Variants in BCR observed in about 807,000 individuals in gnomAD.
BCR encodes BCR activator of RhoGEF and GTPase, also known as breakpoint cluster region protein.
A neutral mutation model predicts 138.6 loss-of-function variants in BCR; 58 were observed. The ratio of observed to expected loss-of-function variants is 0.42; its 90% CI spans 0.34 to 0.52. BCR has a LOEUF of 0.52. Among genes scored for constraint, BCR ranks in the 20% least tolerant of loss-of-function variants. The probability of loss-of-function intolerance (pLI) is 0.06; values close to 1 mark genes in which losing one functional copy is unlikely to be tolerated. For missense variants in BCR, 1,599 were observed against 1,727.2 expected, an observed-to-expected ratio of 0.93 and a Z score of 1.32; for synonymous variants, 786 against 730.1, an observed-to-expected ratio of 1.08 and a Z score of -1.23.
At chr22:23,190,620 T>C (rs1172284907) in intron 1 of BCR, among the ~76,000 whole-genome samples, 1 of 151,868 alleles carries the variant, frequency 6.6e-6, no homozygotes, top group East Asian at 1.9e-4. Context: ...ATATGGGGAG[T>C]GAGGCATGGT....
chr22:23,285,653 G>A (rs1013106350), intron 10 of BCR, among the ~76,000 whole-genome samples: 2 of 152,114 alleles, frequency 1.3e-5, no homozygotes, highest in African/African-American at 4.8e-5. Flanking sequence ...GGCATCCCCG[G>A]GGAAAACTTA....
At chr22:23,313,859 A>T (rs2074035085) in intron 20 of BCR, 109 bp from the exon 21 acceptor site, 2 of 898,208 alleles carry the variant, frequency 2.2e-6, no homozygotes, top group Non-Finnish European at 3.8e-6. Flanking sequence ...GAGGATGATG[A>T]CGAGCCTGGG....
At chr22:23,215,292 T>C (rs2072739602) in intron 1 of BCR, among the ~76,000 whole-genome samples, 1 of 152,200 alleles carries the variant, frequency 6.6e-6, no homozygotes, top group Non-Finnish European at 1.5e-5. Context: ...TGAACACGGG[T>C]ATACATGCTT....
At chr22:23,226,403 CTT>C (rs888901405) in intron 1 of BCR, among the ~76,000 whole-genome samples, 1 of 151,758 alleles carries the variant, frequency 6.6e-6, no homozygotes, top group African/African-American at 2.4e-5. Flanking sequence ...AAAGGATCTT[CTT>C]TTGTCTTATG....
At position 23,195,820 on chromosome 22, in the gene BCR, G is replaced by A. The variant is rs145863702; in HGVS notation, c.1279+13581G>A. Among the ~76,000 whole-genome samples the A allele has an allele frequency of 8.8e-3, 1,343 of 151,878 alleles. 21 individuals are homozygous for A. The highest frequency in any genetic ancestry group is 0.031 in the African/African-American group (1,274 of 41,412). On this transcript the variant is annotated intron_variant, in intron 1 of 22. Coordinates refer to ENST00000305877, the MANE Select transcript of BCR (RefSeq NM_004327.4). ...GGAGAATGGCTTGAACCCGGGAGGCGGAGGTTGCAGTGAACCGAGATCGTG... is the reference window on the plus strand; with the variant it reads ...GGAGAATGGCTTGAACCCGGGAGGCAGAGGTTGCAGTGAACCGAGATCGTG...
intron 16 of BCR, among the ~76,000 whole-genome samples, chr22:23,297,879 T>C (rs963925271): frequency 2.4e-4 from 36 of 152,156 alleles, no homozygotes; most frequent in African/African-American, 8.7e-4. Flanking sequence ...AGGCCATCTT[T>C]TGAAACTCTT....
rs977906355 is a variant in BCR at position 23,311,620 on chromosome 22, C to T, written c.3183-77C>T. 210 of 1,327,708 alleles carry T rather than the reference C, an allele frequency of 1.6e-4. 2 individuals carry two copies. In the South Asian group the frequency reaches 2.4e-3, roughly 15 times the overall value. The allele number at this position is 1,327,708 out of a possible 1,614,324, so 82.2% of individuals were successfully genotyped here. A position where few individuals can be genotyped will look rare whatever the true frequency, so the allele number is the denominator to read the frequency against. Reference sequence around the variant, plus strand: ...CGTCCTCACCCCACCTCCGGGTGTGCAGATATGGAGCAGGTCTCCTGTGTT... The same window carrying T: ...CGTCCTCACCCCACCTCCGGGTGTGTAGATATGGAGCAGGTCTCCTGTGTT... On this transcript the variant is annotated intron_variant, in intron 18 of 22. Transcript: ENST00000305877.
intron 10 of BCR, among the ~76,000 whole-genome samples, chr22:23,285,469 T>A (rs2073701116): frequency 6.6e-6 from 1 of 152,170 alleles, no homozygotes; most frequent in Non-Finnish European, 1.5e-5. Context: ...CTGGTCGTGG[T>A]CTCTACAGTG....
intron 1 of BCR, among the ~76,000 whole-genome samples, chr22:23,250,857 G>A (rs1375632059): frequency 6.6e-6 from 1 of 152,164 alleles, no homozygotes; most frequent in African/African-American, 2.4e-5. Flanking sequence ...AGAAAGGTGA[G>A]GCATGGGCGG....
chr22:23,272,249 G>A (rs6519426), intron 6 of BCR, among the ~76,000 whole-genome samples: 8,427 of 152,274 alleles, frequency 0.055, 787 homozygotes, highest in African/African-American at 0.19. Context: ...GTCAGGAATT[G>A]TCAGTCACTT....
intron 4 of BCR, among the ~76,000 whole-genome samples, chr22:23,267,791 T>A (rs956102851): frequency 6.6e-6 from 1 of 152,198 alleles, no homozygotes; most frequent in Non-Finnish European, 1.5e-5. Flanking sequence ...ATTATTGCCA[T>A]TGGTTTAATA....
chr22:23,308,516 A>G (rs2146325654), intron 16 of BCR, among the ~76,000 whole-genome samples: 1 of 152,250 alleles, frequency 6.6e-6, no homozygotes, highest in Admixed American at 6.5e-5. Flanking sequence ...CATGTTAGCC[A>G]GGATGGTCTC....
intron 4 of BCR, chr22:23,264,180 G>A (rs1454243861): frequency 1.5e-6 from 2 of 1,329,990 alleles, no homozygotes; most frequent in Non-Finnish European, 1.1e-6. Context: ...GCTTGCCACA[G>A]GTTCCTCCTT....
At chr22:23,250,406 G>A (rs578042651) in intron 1 of BCR, among the ~76,000 whole-genome samples, 2 of 152,312 alleles carry the variant, frequency 1.3e-5, no homozygotes, top group South Asian at 4.1e-4. Context: ...TAGACGTTTC[G>A]CAGCCTGAAG....
intron 1 of BCR, among the ~76,000 whole-genome samples, chr22:23,204,972 C>T (rs979793906): frequency 2.0e-5 from 3 of 152,184 alleles, no homozygotes; most frequent in Non-Finnish European, 4.4e-5. Flanking sequence ...GATGAGCAGG[C>T]ATGCGTGTGT....
chr22:23,311,672 C>G (rs541070424), intron 18 of BCR, 25 bp from the exon 19 acceptor site: 1 of 1,559,520 alleles, frequency 6.4e-7, no homozygotes, highest in East Asian at 2.3e-5. Context: ...TGTTAGGACA[C>G]TGAGAACATT....
Position 23,181,096 on chromosome 22 carries a change from G to A in BCR, c.136G>A (p.Glu46Lys). Residue 46 changes from glutamate (E) to lysine (K), a missense_variant, in exon 1 of 23, where the codon GAG becomes AAG. Glu to Lys is a moderately conservative substitution (Grantham distance 56, BLOSUM62 1). Coordinates refer to ENST00000305877, the MANE Select transcript of BCR (RefSeq NM_004327.4). ...CTGCAAGGCCTCCATTCGGCGCCTGGAGCAGGAGGTGAACCAGGAGCGCTT... is the reference window on the plus strand; with the variant it reads ...CTGCAAGGCCTCCATTCGGCGCCTGAAGCAGGAGGTGAACCAGGAGCGCTT... Reference protein sequence around the residue: ...ERCKASIRRLEQEVNQERFRM... With the variant: ...ERCKASIRRLKQEVNQERFRM... 1.3e-6 allele frequency: 2 copies of A among 1,512,896 alleles called. No homozygotes were observed. Among genetic ancestry groups the A allele is most frequent in the Non-Finnish European group, 1.8e-6 (2 of 1,124,152 alleles). 93.7% of individuals were successfully genotyped at this position (1,512,896 alleles called of 1,614,324 possible).
chr22:23,314,642 G>C lies in BCR; in HGVS notation c.3654G>C (p.Glu1218Asp). The change falls in exon 22 of 23, where the codon GAG (glutamate) becomes GAC (aspartate). Residue 1218 changes from glutamate to aspartate, a missense_variant. Around this residue, in one of 4 missense-constraint regions of BCR, gnomAD observed 177 missense variants for 226.4 expected, o/e 0.78. Coordinates refer to ENST00000305877, the MANE Select transcript of BCR (RefSeq NM_004327.4). The part of the protein sequence containing the change: ...GPTLLRPSEK[E>D]SKLPANPSQP... ...CGCTGCTCCGGCCCTCCGAGAAGGA[G>C]AGCAAGCTCCCTGCCAACCCCAGCC... 2 of 1,611,922 alleles carry C rather than the reference G, an allele frequency of 1.2e-6. No individual in the cohort carries two copies. Among genetic ancestry groups the C allele is most frequent in the East Asian group, 4.5e-5 (2 of 44,868 alleles).
chr22:23,295,161 GCAGCCATCCCTACCCTC>G lies in BCR; in HGVS notation c.3012+8_3012+24del. ...TGGGGAAGGGCCAGGTCCAGGTGAG[GCAGCCATCCCTACCCTC>G]CCCTGCCCGATGCATGGCGTCCTTT... On this transcript the variant is annotated splice_region_variant and intron_variant, in intron 16 of 22. Coordinates refer to ENST00000305877, the MANE Select transcript of BCR (RefSeq NM_004327.4). 6.2e-7 allele frequency: 1 copy of G among 1,610,956 alleles called. No homozygotes were observed. The highest frequency in any genetic ancestry group is 8.5e-7 in the Non-Finnish European group (1 of 1,178,296).
Sources: allele counts gnomAD v4.1 joint callset (sites outside exome capture counted in the v4.1 genomes callset), GRCh38; gene constraint gnomAD v4.1.1; regional missense constraint gnomAD v4.1.1; transcripts MANE v1.5; gene names NCBI Gene and HGNC (gene_info 2026-07-23, HGNC 2026-07-21).